The following AS3MT variants were observed in gnomAD, a reference collection of about 807,000 sequenced individuals.
The protein encoded by AS3MT is arsenite methyltransferase, also known as S-adenosyl-L-methionine:arsenic(III) methyltransferase.
AS3MT carries 47 observed loss-of-function variants against 45.3 expected under a neutral mutation model. The observed-to-expected ratio is 1.04, with a 90% CI of 0.82 to 1.32. AS3MT has a LOEUF of 1.32. AS3MT is among the 40% of genes most tolerant of loss of function. AS3MT has a pLI of 0.00. For synonymous variants in AS3MT, 141 were observed against 152.8 expected (o/e 0.92, Z 0.57); for missense variants, 396 against 451.1 (o/e 0.88, Z 1.11).
chr10:102,881,779 A>T lies in AS3MT; in HGVS notation c.885+2788A>T, dbSNP rs116862595. On this transcript the variant is annotated intron_variant, in intron 9 of 10. Transcript: ENST00000369880. This position sits in a 1 kb window ranked among gnomAD's most constrained non-coding sequence, Gnocchi z 4.2. ...GAGACAAAGTCTCTCTCTGTCACCC[A>T]TGCTGGAGTGTAGTGGCACAGTCAT... 2.2e-3 allele frequency among the ~76,000 whole-genome samples: 337 copies of T among 152,284 alleles called. No individual in the cohort carries two copies. Among genetic ancestry groups the T allele is most frequent in the Admixed American group, 4.6e-3 (70 of 15,288 alleles).
At chr10:102,869,721 C>T (rs1844644092) in intron 1 of AS3MT, 84 bp from the exon 2 acceptor site, 1 of 1,611,672 alleles carries the variant, frequency 6.2e-7, no homozygotes, top group Non-Finnish European at 8.5e-7. Flanking sequence ...CCCCTCGGCC[C>T]GCTGCCTGCC....
chr10:102,889,737 G>T (rs994018626), intron 9 of AS3MT, among the ~76,000 whole-genome samples: 13 of 149,042 alleles, frequency 8.7e-5, no homozygotes, highest in Admixed American at 6.1e-4. Flanking sequence ...GTGCAGTGGC[G>T]CAATCTCAGC....
Position 102,878,939 on chromosome 10 carries a change from G to A in AS3MT, c.833G>A (p.Gly278Glu). 6.2e-7 allele frequency: 1 copy of A among 1,613,688 alleles called. No homozygotes were observed. ...TKRCQVIYNG[G>E]ITGHEKELMF... ...AGATGCCAAGTTATTTACAATGGAG[G>A]AATTACAGGACATGAAAAAGAACTA... Residue 278 changes from glycine (G) to glutamate (E), a missense_variant, in exon 9 of 11, where the codon GGA (glycine) becomes GAA (glutamate). Coordinates refer to ENST00000369880, the MANE Select transcript of AS3MT (RefSeq NM_020682.4).
intron 6 of AS3MT, among the ~76,000 whole-genome samples, chr10:102,875,620 TA>T (rs1208437453): frequency 2.0e-5 from 3 of 151,556 alleles, no homozygotes. Flanking sequence ...TCACTGCCTC[TA>T]AAAAAATGTT....
intron 10 of AS3MT, among the ~76,000 whole-genome samples, chr10:102,897,510 C>A (rs1336934269): frequency 6.6e-6 from 1 of 150,672 alleles, no homozygotes; most frequent in Non-Finnish European, 1.5e-5. Flanking sequence ...CGCTCTGTCA[C>A]CCAGGCTGGA....
intron 10 of AS3MT, among the ~76,000 whole-genome samples, chr10:102,891,112 T>G (rs1845063360): frequency 6.6e-6 from 1 of 152,236 alleles, no homozygotes; most frequent in South Asian, 2.1e-4. Context: ...TTAATGTGCA[T>G]GCTTGAGCCC....
At chr10:102,882,400 T>A (rs546573991) in intron 9 of AS3MT, among the ~76,000 whole-genome samples, 4 of 151,730 alleles carry the variant, frequency 2.6e-5, no homozygotes, top group African/African-American at 9.7e-5. Context: ...TTTTTTAATT[T>A]AAAAAATGTA....
rs1844645819 is a variant in AS3MT at position 102,869,788 on chromosome 10, T to G, written c.2-17T>G. ...TCAGCACCCTCTCCTTTCAACTAAC[T>G]TTCCCGCTCCCGACAGTGGCTGCAC... On this transcript the variant is annotated splice_polypyrimidine_tract_variant and intron_variant, in intron 1 of 10. Transcript: ENST00000369880. The G allele has an allele frequency of 1.2e-6, 2 of 1,614,124 alleles. No homozygotes were observed. The highest frequency in any genetic ancestry group is 1.7e-6 in the Non-Finnish European group (2 of 1,180,036).
chr10:102,889,636 C>CTTCCTTCA, intron 9 of AS3MT, among the ~76,000 whole-genome samples: 1 of 141,270 alleles, frequency 7.1e-6, no homozygotes, highest in Admixed American at 7.1e-5. Context: ...TCCTTCCTTC[C>CTTCCTTCA]TTCCTTCCTT....
rs1376363650 is a variant in AS3MT at position 102,901,301 on chromosome 10, CT to C, written c.*602del. 3 of 151,938 alleles carry C rather than the reference CT, an allele frequency of 2.0e-5. No homozygotes were observed. Among genetic ancestry groups the C allele is most frequent in the African/African-American group, 7.3e-5 (3 of 41,356 alleles). 9.4% of individuals were successfully genotyped at this position (151,938 alleles called of 1,614,324 possible). ...CTCCACCTCCTGGGTTCACGCCATT[CT>C]CCTGCCTCAGACTCCCAAGTAGCTG... On this transcript the variant is annotated 3_prime_UTR_variant, in exon 11 of 11. Transcript: ENST00000369880.
At chr10:102,899,720 T>C (rs1590233812) in intron 10 of AS3MT, among the ~76,000 whole-genome samples, 1 of 149,778 alleles carries the variant, frequency 6.7e-6, no homozygotes, top group Non-Finnish European at 1.5e-5. Context: ...CAGGTTGGAG[T>C]GCAGTGGTGT....
chr10:102,895,452 C>T lies in AS3MT; in HGVS notation c.1020+4774C>T, dbSNP rs186133408. On this transcript the variant is annotated intron_variant, in intron 10 of 10. Transcript: ENST00000369880. ...CTGACATCAGATGATCCACCAGCCT[C>T]GGCCTCCCAAAGTGCTGGGATTACA... Among the ~76,000 whole-genome samples, 684 of 152,202 alleles carry T rather than the reference C, an allele frequency of 4.5e-3. 7 individuals carry two copies. The highest frequency in any genetic ancestry group is 0.016 in the African/African-American group (655 of 41,544).
At chr10:102,878,135 A>T (rs1844816648) in intron 7 of AS3MT, among the ~76,000 whole-genome samples, 1 of 152,150 alleles carries the variant, frequency 6.6e-6, no homozygotes. Context: ...TTATGCTTGC[A>T]GCTGAGTAGA....
At chr10:102,886,023 C>T (rs972705267) in intron 9 of AS3MT, among the ~76,000 whole-genome samples, 10 of 152,086 alleles carry the variant, frequency 6.6e-5, no homozygotes, top group African/African-American at 2.4e-4. Flanking sequence ...TATACTACTA[C>T]GTTTTCTTTA....
At chr10:102,894,509 A>G (rs1260906290) in intron 10 of AS3MT, among the ~76,000 whole-genome samples, 1 of 152,200 alleles carries the variant, frequency 6.6e-6, no homozygotes, top group African/African-American at 2.4e-5. Context: ...TGTCGGGCAA[A>G]GGCATTGCAA....
Position 102,900,714 on chromosome 10 carries a change from C to A in AS3MT, c.*14C>A. 1 of 1,588,842 alleles carries A rather than the reference C, an allele frequency of 6.3e-7. No homozygotes were observed. The highest frequency in any genetic ancestry group is 8.6e-7 in the Non-Finnish European group (1 of 1,157,098). On this transcript the variant is annotated 3_prime_UTR_variant, in exon 11 of 11. Transcript: ENST00000369880. Reference sequence around the variant, plus strand: ...AAAAGCTGCTAAATCTATAGCCAACCAGGGGACCACAGTAGTGGGCAAGAG... The same window carrying A: ...AAAAGCTGCTAAATCTATAGCCAACAAGGGGACCACAGTAGTGGGCAAGAG...
Position 102,876,766 on chromosome 10 carries a change from G to A in AS3MT, c.529-188G>A, listed in dbSNP as rs533750198. ...TACCTGTTGGATAAGCCACTGGGAG[G>A]AAAAAAAACCTTGGCACTTGACTAT... On this transcript the variant is annotated intron_variant, in intron 6 of 10. Transcript: ENST00000369880. Among the ~76,000 whole-genome samples the A allele has an allele frequency of 2.6e-5, 4 of 151,982 alleles. No homozygotes were observed. The South Asian group carries it at 8.3e-4, about 32-fold the overall frequency.
At chr10:102,888,851 C>CTATA (rs553598133) in intron 9 of AS3MT, among the ~76,000 whole-genome samples, 53 of 91,690 alleles carry the variant, frequency 5.8e-4, no homozygotes, top group African/African-American at 1.7e-3. Flanking sequence ...TCATCAAACC[C>CTATA]TATATATATA....
At chr10:102,893,111 G>T (rs960122398) in intron 10 of AS3MT, among the ~76,000 whole-genome samples, 1 of 148,980 alleles carries the variant, frequency 6.7e-6, no homozygotes, top group South Asian at 2.1e-4. Flanking sequence ...AGCTTAAAAG[G>T]TTTTAACAGT....
Sources: allele counts gnomAD v4.1 joint callset (sites outside exome capture counted in the v4.1 genomes callset), GRCh38; gene constraint gnomAD v4.1.1; non-coding constraint Gnocchi (gnomAD v3.1); transcripts MANE v1.5; gene names NCBI Gene and HGNC (gene_info 2026-07-23, HGNC 2026-07-21).